The following XPO5 variants were observed in gnomAD, a reference collection of about 807,000 sequenced individuals.
XPO5 encodes exportin-5.
In XPO5, 46 loss-of-function variants were observed where a neutral mutation model predicts 160.6. That is an observed-to-expected ratio of 0.29 (90% CI 0.23 to 0.37). The LOEUF (loss-of-function observed/expected upper bound fraction) is 0.37, where lower values mean the gene tolerates loss of function less well. XPO5 is among the 10% of genes least tolerant of loss of function. The pLI is 1.00. For synonymous variants in XPO5, 537 were observed against 519.3 expected (o/e 1.03, Z -0.46); for missense variants, 1,090 against 1,463.9 (o/e 0.74, Z 4.17).
intron 22 of XPO5, 55 bp downstream of exon 22, chr6:43,531,424 C>A: frequency 6.6e-7 from 1 of 1,525,902 alleles, no homozygotes; most frequent in Non-Finnish European, 9.1e-7. Context: ...CATGGACATT[C>A]CTATACAATA....
intron 12 of XPO5, among the ~76,000 whole-genome samples, chr6:43,557,893 C>T (rs568891135): frequency 1.9e-4 from 29 of 150,678 alleles, no homozygotes; most frequent in African/African-American, 6.8e-4. Context: ...GTCGGGAGTT[C>T]GAGACCAGCC....
At chr6:43,530,550 A>C in intron 23 of XPO5, 138 bp downstream of exon 23, 2 of 1,028,570 alleles carry the variant, frequency 1.9e-6, no homozygotes, top group Admixed American at 3.2e-5. Flanking sequence ...AGTGTTTTTA[A>C]TGACATGATA....
At chr6:43,563,492 T>C (rs567186480) in intron 8 of XPO5, among the ~76,000 whole-genome samples, 1 of 152,210 alleles carries the variant, frequency 6.6e-6, no homozygotes, top group Non-Finnish European at 1.5e-5. Context: ...CTTACAGTCA[T>C]GCATCACTTA....
chr6:43,564,079 G>A (rs1434405874), intron 8 of XPO5, among the ~76,000 whole-genome samples: 5 of 151,986 alleles, frequency 3.3e-5, no homozygotes, highest in South Asian at 2.1e-4. Context: ...GCACCACCAC[G>A]CCCGGCTAAT....
At chr6:43,549,635 G>T (rs938846037) in intron 16 of XPO5, 57 bp from the exon 17 acceptor site, 1 of 1,561,398 alleles carries the variant, frequency 6.4e-7, no homozygotes, top group Non-Finnish European at 8.7e-7. Context: ...TACAGGTGCT[G>T]CATAGACTCA....
chr6:43,568,200 C>T (rs538952288), intron 6 of XPO5, among the ~76,000 whole-genome samples: 250 of 151,910 alleles, frequency 1.6e-3, no homozygotes, highest in African/African-American at 5.5e-3. Context: ...CCCAGCTACT[C>T]GGGAGGCCAG....
intron 27 of XPO5, 142 bp downstream of exon 27, chr6:43,526,543 C>T (rs993591100): frequency 2.2e-6 from 2 of 904,858 alleles, no homozygotes; most frequent in East Asian, 2.7e-5. Flanking sequence ...TGGAGGCACA[C>T]AGCAAGAGGG....
intron 20 of XPO5, among the ~76,000 whole-genome samples, chr6:43,535,813 CAAAA>C (rs60341205): frequency 1.4e-5 from 1 of 71,824 alleles, no homozygotes; most frequent in Admixed American, 1.6e-4. Context: ...GACTCCATCT[CAAAA>C]AAAAAAAAAA....
At chr6:43,573,304 GA>G in intron 2 of XPO5, 175 bp downstream of exon 2, 1 of 819,740 alleles carries the variant, frequency 1.2e-6, no homozygotes, top group Non-Finnish European at 1.8e-6. Flanking sequence ...CTGAAGAAAA[GA>G]AAGGTTAAAT....
At chr6:43,557,127 CAA>C (rs58974895) in intron 12 of XPO5, among the ~76,000 whole-genome samples, 20 of 61,042 alleles carry the variant, frequency 3.3e-4, no homozygotes, top group Admixed American at 6.1e-4. Flanking sequence ...GACTCCATCT[CAA>C]AAAAAAAAAA....
intron 30 of XPO5, 47 bp from the exon 31 acceptor site, chr6:43,524,682 C>T: frequency 6.3e-7 from 1 of 1,596,066 alleles, no homozygotes; most frequent in Non-Finnish European, 8.5e-7. Context: ...TTGGATATTG[C>T]CACCCTCCCC....
intron 9 of XPO5, 75 bp from the exon 10 acceptor site, chr6:43,561,082 A>G (rs1762390514): frequency 8.1e-7 from 1 of 1,235,966 alleles, no homozygotes; most frequent in Non-Finnish European, 1.2e-6. Context: ...AAGTAATAAA[A>G]ACAGATAAAT....
In XPO5 at chr6:43,523,856, CA is replaced by C. The variant is rs1432264026; in HGVS notation, c.*11del. Reference sequence around the variant, plus strand: ...ACAAGAAAGGCCGAGGAAGGATGCCCAAAAGCTTGATTCAGGGTTCAAAGAT... The same window carrying C: ...ACAAGAAAGGCCGAGGAAGGATGCCCAAAGCTTGATTCAGGGTTCAAAGAT... On this transcript the variant is annotated 3_prime_UTR_variant, in exon 32 of 32. Coordinates refer to ENST00000265351, the MANE Select transcript of XPO5 (RefSeq NM_020750.3). 3 of 1,613,956 alleles carry C rather than the reference CA, an allele frequency of 1.9e-6. No individual in the cohort carries two copies. Among genetic ancestry groups the C allele is most frequent in the South Asian group, 1.1e-5 (1 of 91,078 alleles).
In XPO5 at chr6:43,524,704, C is replaced by T; in HGVS notation, c.3313-69G>A. The T allele has an allele frequency of 3.1e-6, 5 of 1,590,480 alleles. No homozygotes were observed. The South Asian group carries it at 5.7e-5, about 18-fold the overall frequency. ...TTGCCACCCTCCCCATTTCCTGCCA[C>T]ACCCATTTCTCAGAGATTGCACCAG... is the stretch of plus-strand genomic sequence containing the variant. On this transcript the variant is annotated intron_variant, in intron 30 of 31. Coordinates refer to ENST00000265351, the MANE Select transcript of XPO5 (RefSeq NM_020750.3).
rs375042183 is a variant in XPO5 at position 43,522,686 on chromosome 6, A to G, written c.*1182T>C. On this transcript the variant is annotated 3_prime_UTR_variant, in exon 32 of 32. Coordinates refer to ENST00000265351, the MANE Select transcript of XPO5 (RefSeq NM_020750.3). ...CGCACCAGCTAAAAACTGTAGCTTC[A>G]GTCCACTTCGGCTCTCGGGGAAACC... The G allele has an allele frequency of 1.7e-4, 85 of 490,942 alleles. No homozygotes were observed. Among genetic ancestry groups the G allele is most frequent in the Middle Eastern group, 1.0e-3 (2 of 1,922 alleles). 30.4% of individuals were successfully genotyped at this position (490,942 alleles called of 1,614,324 possible).
intron 19 of XPO5, chr6:43,547,377 GA>G (rs1795012410): frequency 1.6e-6 from 1 of 608,438 alleles, no homozygotes; most frequent in Non-Finnish European, 3.0e-6. Flanking sequence ...GCTATTTAGA[GA>G]TCCTTAAAGC....
Position 43,522,833 on chromosome 6 carries a change from A to G in XPO5, c.*1035T>C. On this transcript the variant is annotated 3_prime_UTR_variant, in exon 32 of 32. Coordinates refer to ENST00000265351, the MANE Select transcript of XPO5 (RefSeq NM_020750.3). ...TAATAACCTCAGGGCCAGGTCCCGT[A>G]TCCATGTCCTCTCTTTACAGGGCCT... 1 of 308,136 alleles carries G rather than the reference A, an allele frequency of 3.2e-6. No homozygotes were observed. Among genetic ancestry groups the G allele is most frequent in the Non-Finnish European group, 7.5e-6 (1 of 133,490 alleles). The allele number at this position is 308,136 out of a possible 1,614,324, so 19.1% of individuals were successfully genotyped here.
At chr6:43,541,616 C>T (rs532434501) in intron 20 of XPO5, among the ~76,000 whole-genome samples, 15 of 147,476 alleles carry the variant, frequency 1.0e-4, no homozygotes, top group African/African-American at 3.8e-4. Context: ...CTGAGGCAAT[C>T]GCCAATGTAC....
At chr6:43,525,711 G>T in intron 28 of XPO5, 128 bp downstream of exon 28, 3 of 1,005,348 alleles carry the variant, frequency 3.0e-6, no homozygotes, top group Non-Finnish European at 2.9e-6. Context: ...TGGGGCCTTT[G>T]GAACCAGGAA....
Sources: gnomAD v4.1 joint callset for allele counts (sites outside exome capture counted in the v4.1 genomes callset) on GRCh38, gnomAD v4.1.1 for gene constraint, MANE v1.5 for transcripts, NCBI Gene and HGNC (gene_info 2026-07-23, HGNC 2026-07-21) for gene names.